Variants in AFAP1L2 observed in about 807,000 individuals in gnomAD.
AFAP1L2 encodes the protein actin filament associated protein 1 like 2.
AFAP1L2 carries 46 observed loss-of-function variants against 99.3 expected under a neutral mutation model. The observed-to-expected ratio is 0.46, with a 90% CI of 0.37 to 0.59. The LOEUF (loss-of-function observed/expected upper bound fraction) is 0.59, where lower values mean the gene tolerates loss of function less well. AFAP1L2 is among the 20% of genes least tolerant of loss of function. The probability of loss-of-function intolerance (pLI) is 0.00; values close to 1 mark genes in which losing one functional copy is unlikely to be tolerated. For missense variants in AFAP1L2, 959 were observed against 1,034.9 expected (o/e 0.93, Z 1.01); for synonymous variants, 397 against 419.1 (o/e 0.95, Z 0.64).
At chr10:114,311,670 G>A (rs1161621111) in intron 7 of AFAP1L2, among the ~76,000 whole-genome samples, 4 of 152,232 alleles carry the variant, frequency 2.6e-5, no homozygotes, top group Non-Finnish European at 5.9e-5. Context: ...CAAATACACG[G>A]ATGGCCCTGC....
chr10:114,290,656 T>C (rs1340724628), downstream of AFAP1L2, among the ~76,000 whole-genome samples: 2 of 152,114 alleles, frequency 1.3e-5, no homozygotes, highest in African/African-American at 4.8e-5. Context: ...TGGTAGACGG[T>C]GCTAAGCACC....
chr10:114,377,830 T>C lies in AFAP1L2; in HGVS notation c.16+26610A>G, dbSNP rs1431527253. The stretch of plus-strand genomic sequence containing the variant: ...TAAGGAGAGAGCATCACATAGTTGG[T>C]TCCATTTCCAAGGGAGACTGAAGTC... On this transcript the variant is annotated intron_variant, in intron 1 of 18. Coordinates refer to ENST00000304129, the MANE Select transcript of AFAP1L2 (RefSeq NM_001001936.3). The surrounding 1 kb of genome is among the most constrained non-coding windows in gnomAD (Gnocchi z 4.0). Among the ~76,000 whole-genome samples the C allele has an allele frequency of 6.6e-6, 1 of 152,200 alleles. No homozygotes were observed. Among genetic ancestry groups the C allele is most frequent in the Non-Finnish European group, 1.5e-5 (1 of 68,030 alleles).
intron 13 of AFAP1L2, among the ~76,000 whole-genome samples, 169 bp downstream of exon 13, chr10:114,301,184 TA>T (rs1294121823): frequency 2.6e-5 from 4 of 152,206 alleles, no homozygotes; most frequent in Admixed American, 6.5e-5. Flanking sequence ...GCCTCACATA[TA>T]GGAGACAGCC....
At chr10:114,333,397 T>G (rs1414193460) in intron 2 of AFAP1L2, 102 bp from the exon 3 acceptor site, 2 of 863,344 alleles carry the variant, frequency 2.3e-6, no homozygotes, top group African/African-American at 1.7e-5. Flanking sequence ...CTGCCTAGGT[T>G]CCAGTAAAAG....
chr10:114,304,996 G>T, intron 10 of AFAP1L2, 66 bp from the exon 11 acceptor site: 1 of 1,338,148 alleles, frequency 7.5e-7, no homozygotes, highest in Non-Finnish European at 1.0e-6. Flanking sequence ...TGCAGGAGGG[G>T]GCGGGGCTTC....
intron 10 of AFAP1L2, among the ~76,000 whole-genome samples, chr10:114,305,382 C>T (rs1333102264): frequency 3.3e-5 from 4 of 120,990 alleles, no homozygotes; most frequent in Non-Finnish European, 5.0e-5. Flanking sequence ...CAGGAGAGAG[C>T]GGGGCTGCAG....
At chr10:114,361,568 C>T (rs572871136) in intron 1 of AFAP1L2, among the ~76,000 whole-genome samples, 70 of 152,324 alleles carry the variant, frequency 4.6e-4, no homozygotes, top group African/African-American at 1.6e-3. Flanking sequence ...GAAACCTGAA[C>T]AGAGAGGCTA....
intron 6 of AFAP1L2, among the ~76,000 whole-genome samples, chr10:114,314,465 C>T (rs1290676811): frequency 6.6e-6 from 1 of 152,200 alleles, no homozygotes; most frequent in Non-Finnish European, 1.5e-5. Flanking sequence ...CCATAAGGCA[C>T]AAAAACTAAG....
rs141243469 is a variant in AFAP1L2 at position 114,382,359 on chromosome 10, C to T, written c.16+22081G>A. Among the ~76,000 whole-genome samples, 6 of 152,154 alleles carry T rather than the reference C, an allele frequency of 3.9e-5. No individual in the cohort carries two copies. In the East Asian group the frequency reaches 1.2e-3, roughly 29 times the overall value. ...GAATGAGCTCGAGATACAGCCTTGACTTAAGGAAGAAGGTCCACCCTCACT... is the reference window on the plus strand; with the variant it reads ...GAATGAGCTCGAGATACAGCCTTGATTTAAGGAAGAAGGTCCACCCTCACT... On this transcript the variant is annotated intron_variant, in intron 1 of 18. Transcript: ENST00000304129.
intron 5 of AFAP1L2, among the ~76,000 whole-genome samples, chr10:114,322,414 T>C (rs1447938701): frequency 6.6e-6 from 1 of 152,206 alleles, no homozygotes; most frequent in Non-Finnish European, 1.5e-5. Context: ...GCCTCCTTGT[T>C]GTTCCTCAGA....
Position 114,387,866 on chromosome 10 carries a change from C to T in AFAP1L2, c.16+16574G>A, listed in dbSNP as rs562040453. Among the ~76,000 whole-genome samples the T allele has an allele frequency of 2.0e-5, 3 of 152,266 alleles. No individual in the cohort carries two copies. The East Asian group carries it at 5.8e-4, about 29-fold the overall frequency. On this transcript the variant is annotated intron_variant, in intron 1 of 18. Coordinates refer to ENST00000304129, the MANE Select transcript of AFAP1L2 (RefSeq NM_001001936.3). Reference sequence around the variant, plus strand: ...GGGTAGGTCAGGGATCAAAAAGCTCCTTTCCTTCCTTGGCTTTACCTGGTG... The same window carrying T: ...GGGTAGGTCAGGGATCAAAAAGCTCTTTTCCTTCCTTGGCTTTACCTGGTG...
chr10:114,349,550 G>A (rs1754505661), intron 1 of AFAP1L2, among the ~76,000 whole-genome samples: 2 of 68,026 alleles, frequency 2.9e-5, no homozygotes, highest in Admixed American at 2.0e-4. Flanking sequence ...AGAGCTTGTC[G>A]CTTGGAAAAA....
At chr10:114,321,043 G>A (rs1434773515) in intron 5 of AFAP1L2, among the ~76,000 whole-genome samples, 1 of 152,194 alleles carries the variant, frequency 6.6e-6, no homozygotes, top group Non-Finnish European at 1.5e-5. Context: ...CCCAGCAGGA[G>A]GTGGCAGGTA....
At position 114,299,297 on chromosome 10, in the gene AFAP1L2, C is replaced by G. The variant is rs142034112; in HGVS notation, c.2076G>C (p.Glu692Asp). ...GTAGGGTTTCCTTTAGCTCCCGTTT[C>G]TCTTTCCGGAGCTGAGCCAGGTGCC... ...IRGHLAQLRK[E>D]KRELKETLLK... Residue 692 changes from glutamate to aspartate, a missense_variant, in exon 16 of 19, where the codon GAG becomes GAC. Around this residue, in one of 2 missense-constraint regions of AFAP1L2, gnomAD observed 576 missense variants for 562.1 expected, o/e 1.02. Transcript: ENST00000304129. The G allele has an allele frequency of 6.2e-7, 1 of 1,614,264 alleles. No individual in the cohort carries two copies. Among genetic ancestry groups the G allele is most frequent in the African/African-American group, 1.3e-5 (1 of 75,076 alleles).
chr10:114,344,135 G>A (rs567701192), intron 1 of AFAP1L2, among the ~76,000 whole-genome samples: 59 of 152,302 alleles, frequency 3.9e-4, no homozygotes, highest in Non-Finnish European at 6.2e-4. Flanking sequence ...CATCTGCTAG[G>A]CTGGCCCACA....
chr10:114,333,627 G>A (rs542759483), intron 2 of AFAP1L2, among the ~76,000 whole-genome samples: 15 of 152,106 alleles, frequency 9.9e-5, no homozygotes, highest in Non-Finnish European at 1.8e-4. Context: ...AGACCAGCCT[G>A]GCCAACATGG....
intron 1 of AFAP1L2, among the ~76,000 whole-genome samples, chr10:114,351,199 T>C (rs1188234996): frequency 6.6e-6 from 1 of 152,184 alleles, no homozygotes; most frequent in Non-Finnish European, 1.5e-5. Flanking sequence ...GTGGAGGGGC[T>C]ATGGGAAATT....
chr10:114,390,720 CAAAAAAAAAA>C (rs59448495), intron 1 of AFAP1L2, among the ~76,000 whole-genome samples: 4 of 89,832 alleles, frequency 4.5e-5, no homozygotes, highest in Non-Finnish European at 7.0e-5. Flanking sequence ...GACTCTGTCT[CAAAAAAAAAA>C]AAAAAAAAAA....
At chr10:114,334,306 T>A (rs2047626403) in intron 2 of AFAP1L2, among the ~76,000 whole-genome samples, 1 of 152,212 alleles carries the variant, frequency 6.6e-6, no homozygotes, top group African/African-American at 2.4e-5. Context: ...TCAGAAGTCT[T>A]CAGAGGAAGC....
Sources: allele counts gnomAD v4.1 joint callset (sites outside exome capture counted in the v4.1 genomes callset), GRCh38; gene constraint gnomAD v4.1.1; regional missense constraint gnomAD v4.1.1; non-coding constraint Gnocchi (gnomAD v3.1); transcripts MANE v1.5; gene names NCBI Gene and HGNC (gene_info 2026-07-23, HGNC 2026-07-21).